The following PCGF5 variants were observed in gnomAD, a reference collection of about 807,000 sequenced individuals.
PCGF5 encodes the protein polycomb group RING finger protein 5.
A neutral mutation model predicts 44.3 loss-of-function variants in PCGF5; 9 were observed. The ratio of observed to expected loss-of-function variants is 0.20; its 90% confidence interval spans 0.12 to 0.35. The LOEUF (loss-of-function observed/expected upper bound fraction) is 0.35. PCGF5 is among the 10% of genes least tolerant of loss of function. The probability of loss-of-function intolerance (pLI) is 1.00; values close to 1 mark genes in which losing one functional copy is unlikely to be tolerated. For synonymous variants in PCGF5, 95 were observed against 102.5 expected, an observed-to-expected ratio of 0.93 and a Z score of 0.44; for missense variants, 146 against 305.3, an observed-to-expected ratio of 0.48 and a Z score of 3.89.
chr10:91,168,676 C>T (rs1843544788), intron 1 of PCGF5, among the ~76,000 whole-genome samples: 1 of 151,992 alleles, frequency 6.6e-6, no homozygotes, highest in Non-Finnish European at 1.5e-5. Flanking sequence ...CACCTGTAAT[C>T]CCAGCACTTT....
At chr10:91,189,961 CAG>C (rs1369438081) in intron 1 of PCGF5, among the ~76,000 whole-genome samples, 1 of 152,218 alleles carries the variant, frequency 6.6e-6, no homozygotes, top group Non-Finnish European at 1.5e-5. Context: ...AAAAGCCAGA[CAG>C]AAATTAAAGT....
At chr10:91,208,726 T>G (rs1445561758) in intron 1 of PCGF5, among the ~76,000 whole-genome samples, 1 of 152,192 alleles carries the variant, frequency 6.6e-6, no homozygotes, top group Non-Finnish European at 1.5e-5. Context: ...AATGCTGGCC[T>G]CACACTCATG....
chr10:91,247,004 T>C lies in PCGF5; in HGVS notation c.210-1501T>C, dbSNP rs527383456. On this transcript the variant is annotated intron_variant, in intron 3 of 9. Transcript: ENST00000336126. ...ATAGATAGATAGATAGATAGATAGA[T>C]AGATAGATAGATAGATAATCTGCCT... is the stretch of plus-strand genomic sequence containing the variant. Among the ~76,000 whole-genome samples, 108 of 149,078 alleles carry C rather than the reference T, an allele frequency of 7.2e-4. 4 individuals are homozygous for C. In the South Asian group the frequency reaches 0.021, roughly 29 times the overall value.
intron 5 of PCGF5, among the ~76,000 whole-genome samples, chr10:91,250,280 T>C (rs1282709815): frequency 6.6e-6 from 1 of 151,938 alleles, no homozygotes; most frequent in African/African-American, 2.4e-5. Flanking sequence ...CTGTAGTGCT[T>C]TTACTACAGT....
intron 8 of PCGF5, among the ~76,000 whole-genome samples, chr10:91,270,076 T>A (rs1425799050): frequency 6.6e-6 from 1 of 152,248 alleles, no homozygotes; most frequent in African/African-American, 2.4e-5. Flanking sequence ...ACGTTTATTA[T>A]GACTATAATT....
At chr10:91,234,511 A>G (rs1328628382) in intron 2 of PCGF5, among the ~76,000 whole-genome samples, 8 of 152,226 alleles carry the variant, frequency 5.3e-5, no homozygotes, top group Admixed American at 3.3e-4. Context: ...TGGCTAGGGT[A>G]GAAATGGCGG....
intron 1 of PCGF5, among the ~76,000 whole-genome samples, chr10:91,174,359 TAGAC>T (rs1437987825): frequency 6.6e-6 from 1 of 151,896 alleles, no homozygotes; most frequent in Non-Finnish European, 1.5e-5. Context: ...ATACATAAAT[TAGAC>T]AGGTGTGGCG....
chr10:91,238,625 T>C (rs1461171251), intron 2 of PCGF5, among the ~76,000 whole-genome samples: 87 of 123,302 alleles, frequency 7.1e-4, no homozygotes, highest in Middle Eastern at 4.2e-3. Flanking sequence ...TTTTTTTTTT[T>C]TTTTTTGCCT....
upstream of PCGF5, among the ~76,000 whole-genome samples, chr10:91,217,462 G>A (rs1249011610): frequency 2.6e-5 from 4 of 152,146 alleles, no homozygotes; most frequent in Non-Finnish European, 4.4e-5. Context: ...TGAACTTTTA[G>A]TATAGAACTA....
intron 8 of PCGF5, among the ~76,000 whole-genome samples, chr10:91,270,414 A>C (rs1253756991): frequency 6.6e-6 from 1 of 151,782 alleles, no homozygotes; most frequent in Non-Finnish European, 1.5e-5. Context: ...TGAAATTGCC[A>C]CTTTCCAGCT....
At chr10:91,264,626 GA>G in intron 8 of PCGF5, 106 bp downstream of exon 8, 2 of 845,818 alleles carry the variant, frequency 2.4e-6, no homozygotes, top group Admixed American at 5.3e-5. Flanking sequence ...GCTTGGGAAG[GA>G]GAAGAAACTG....
At chr10:91,227,397 C>G (rs561148335) in intron 2 of PCGF5, 1 of 1,288,742 alleles carries the variant, frequency 7.8e-7, no homozygotes, top group Non-Finnish European at 1.0e-6. Flanking sequence ...CTCAGCATAT[C>G]TACGAATGAT....
intron 3 of PCGF5, among the ~76,000 whole-genome samples, 177 bp from the exon 4 acceptor site, chr10:91,248,328 A>G (rs190908807): frequency 1.1e-4 from 17 of 152,244 alleles, no homozygotes; most frequent in Admixed American, 9.2e-4. Flanking sequence ...TTATCAGTCT[A>G]CTACTGGGGA....
At chr10:91,159,668 C>T (rs896635079), upstream of PCGF5, among the ~76,000 whole-genome samples, 118 of 152,328 alleles carry the variant, frequency 7.7e-4, no homozygotes, top group African/African-American at 2.6e-3. Context: ...GCAGTCTGAA[C>T]TGGGCAAGAG....
At chr10:91,161,128 T>C (rs188474806), upstream of PCGF5, among the ~76,000 whole-genome samples, 2 of 152,362 alleles carry the variant, frequency 1.3e-5, no homozygotes, top group African/African-American at 4.8e-5. Flanking sequence ...CCAACTCCTA[T>C]TGGACAAGCC....
intron 2 of PCGF5, among the ~76,000 whole-genome samples, chr10:91,230,530 A>T (rs1844974590): frequency 6.6e-6 from 1 of 152,194 alleles, no homozygotes. Context: ...ATATACATAT[A>T]TGAATATATA....
chr10:91,215,898 T>G (rs1844531023), upstream of PCGF5, among the ~76,000 whole-genome samples: 1 of 152,232 alleles, frequency 6.6e-6, no homozygotes, highest in Non-Finnish European at 1.5e-5. Flanking sequence ...CTGGTGTGAT[T>G]TTAATTAATA....
At chr10:91,183,555 G>A (rs60438346) in intron 1 of PCGF5, among the ~76,000 whole-genome samples, 2 of 151,892 alleles carry the variant, frequency 1.3e-5, no homozygotes, top group Non-Finnish European at 2.9e-5. Context: ...GGGGCATTTA[G>A]CCCATTTGCA....
In PCGF5 at chr10:91,257,644, C is replaced by T. The variant is rs115618334; in HGVS notation, c.475-3682C>T. Among the ~76,000 whole-genome samples, 637 of 152,108 alleles carry T rather than the reference C, an allele frequency of 4.2e-3. 7 individuals carry two copies. Among genetic ancestry groups the T allele is most frequent in the Admixed American group, 6.4e-3 (98 of 15,248 alleles). ...GGGAGGATTCACAACCTGGGCAGGA[C>T]GGAGTAGGATGGTGCAAGATTTTAA... On this transcript the variant is annotated intron_variant, in intron 6 of 9. Transcript: ENST00000336126.
Sources: gnomAD v4.1 joint callset for allele counts (sites outside exome capture counted in the v4.1 genomes callset) on GRCh38, gnomAD v4.1.1 for gene constraint, MANE v1.5 for transcripts, NCBI Gene and HGNC (gene_info 2026-07-23, HGNC 2026-07-21) for gene names.